VPS13B: variants seen among roughly 807,000 people sequenced by gnomAD.
VPS13B encodes intermembrane lipid transfer protein VPS13B.
Under a neutral mutation model 426.4 loss-of-function variants are expected in VPS13B, and 285 were observed. The observed-to-expected ratio is 0.67, with a 90% CI of 0.61 to 0.74. The LOEUF is 0.74. Among genes scored for constraint, VPS13B ranks in the 30% least tolerant of loss-of-function variants. The probability of loss-of-function intolerance (pLI) is 0.00; values close to 1 mark genes in which losing one functional copy is unlikely to be tolerated. For synonymous variants in VPS13B, 1,676 were observed against 1,676.4 expected (o/e 1.00, Z 0.01); for missense variants, 4,537 against 4,782.6 (o/e 0.95, Z 1.51).
At chr8:99,620,094 A>AT (rs1361028186) in intron 33 of VPS13B, among the ~76,000 whole-genome samples, 1 of 152,104 alleles carries the variant, frequency 6.6e-6, no homozygotes, top group Non-Finnish European at 1.5e-5. Flanking sequence ...GAAACTGTTC[A>AT]TTAGAGAATG....
intron 17 of VPS13B, among the ~76,000 whole-genome samples, chr8:99,197,268 G>A (rs1813994952): frequency 6.6e-6 from 1 of 152,142 alleles, no homozygotes; most frequent in Admixed American, 6.5e-5. Flanking sequence ...CAGAGATATT[G>A]GTCTGTAAGT....
chr8:99,074,661 G>C (rs1159787977), intron 3 of VPS13B, among the ~76,000 whole-genome samples: 3 of 151,790 alleles, frequency 2.0e-5, no homozygotes, highest in Admixed American at 6.6e-5. Context: ...GTTTGTTTTT[G>C]AGACAATCTT....
At chr8:99,820,511 T>C (rs543232588) in intron 49 of VPS13B, among the ~76,000 whole-genome samples, 5 of 152,200 alleles carry the variant, frequency 3.3e-5, no homozygotes, top group Admixed American at 6.5e-5. Flanking sequence ...CTGCAAGATA[T>C]TGAGGATTTC....
chr8:99,348,752 A>G (rs1811689264), intron 19 of VPS13B, among the ~76,000 whole-genome samples: 1 of 152,178 alleles, frequency 6.6e-6, no homozygotes, highest in South Asian at 2.1e-4. Context: ...TCAGTAATTT[A>G]TAGTGTTTTG....
chr8:99,619,658 G>A (rs1247340672), intron 33 of VPS13B, among the ~76,000 whole-genome samples: 1 of 152,160 alleles, frequency 6.6e-6, no homozygotes, highest in Non-Finnish European at 1.5e-5. Context: ...GATTGCTTAA[G>A]TTCCGGAGTT....
In VPS13B at chr8:99,717,308, G is replaced by A. The variant is rs751576277; in HGVS notation, c.6592G>A (p.Gly2198Arg). 33 of 1,613,896 alleles carry A rather than the reference G, an allele frequency of 2.0e-5. No individual in the cohort carries two copies. Among genetic ancestry groups the A allele is most frequent in the Admixed American group, 8.3e-5 (5 of 59,962 alleles). ...GGAAGCTAAGTGGTGTAAACACAGCGGGAATCCAGGCCCAGAACAATCCAT... is the reference window on the plus strand; with the variant it reads ...GGAAGCTAAGTGGTGTAAACACAGCAGGAATCCAGGCCCAGAACAATCCAT... ...NLEAKWCKHS[G>R]NPGPEQSIPK... The change falls in exon 37 of 62, where the codon GGG becomes AGG. Residue 2198 changes from glycine (G) to arginine (R), a missense_variant. Around this residue, in one of 2 missense-constraint regions of VPS13B, gnomAD observed 4,311 missense variants for 4,474.3 expected, o/e 0.96. Coordinates refer to ENST00000357162, the MANE Select transcript of VPS13B (RefSeq NM_152564.5).
intron 3 of VPS13B, among the ~76,000 whole-genome samples, chr8:99,086,165 T>G (rs1845776177): frequency 6.6e-6 from 1 of 152,192 alleles, no homozygotes; most frequent in Non-Finnish European, 1.5e-5. Flanking sequence ...TTTCTTTTTA[T>G]TCTTTTTTCT....
intron 15 of VPS13B, among the ~76,000 whole-genome samples, chr8:99,157,571 C>G (rs1025710215): frequency 3.3e-5 from 5 of 152,106 alleles, no homozygotes; most frequent in Non-Finnish European, 7.4e-5. Context: ...CCTTCTCTCT[C>G]CCTTATCCTA....
intron 34 of VPS13B, among the ~76,000 whole-genome samples, chr8:99,658,439 CT>C (rs1049689831): frequency 1.3e-5 from 2 of 152,064 alleles, no homozygotes; most frequent in African/African-American, 2.4e-5. Context: ...AACCTGCTTG[CT>C]TTTTTTCCCC....
chr8:99,044,857 C>T (rs879381706), intron 3 of VPS13B, among the ~76,000 whole-genome samples: 409 of 16,876 alleles, frequency 0.024, 2 homozygotes, highest in Non-Finnish European at 0.044. Flanking sequence ...ATTTTATACA[C>T]ACACACACAC....
chr8:99,503,344 G>A (rs1164339864), intron 27 of VPS13B, among the ~76,000 whole-genome samples: 1 of 152,206 alleles, frequency 6.6e-6, no homozygotes, highest in Non-Finnish European at 1.5e-5. Context: ...GATGGCTGCT[G>A]ACTGATCGGG....
chr8:99,058,355 C>A (rs1563512482), intron 3 of VPS13B, among the ~76,000 whole-genome samples: 1 of 151,016 alleles, frequency 6.6e-6, no homozygotes, highest in East Asian at 1.9e-4. Context: ...ACCCTAAAAT[C>A]TATCATTTAT....
At chr8:99,562,987 T>TCAA (rs1034546836) in intron 31 of VPS13B, among the ~76,000 whole-genome samples, 1 of 152,044 alleles carries the variant, frequency 6.6e-6, no homozygotes, top group Admixed American at 6.6e-5. Flanking sequence ...AGACCTTGTC[T>TCAA]CAACAACAAC....
At chr8:99,328,887 C>T (rs185074805) in intron 19 of VPS13B, among the ~76,000 whole-genome samples, 2 of 152,196 alleles carry the variant, frequency 1.3e-5, no homozygotes. Context: ...GGAAAATCTA[C>T]TTTACGTCTC....
At chr8:99,730,583 C>G (rs1257568017) in intron 39 of VPS13B, among the ~76,000 whole-genome samples, 1 of 151,988 alleles carries the variant, frequency 6.6e-6, no homozygotes, top group Non-Finnish European at 1.5e-5. Flanking sequence ...TTGAGATTAA[C>G]TCAGTAAATA....
At chr8:99,473,972 G>T (rs540274820) in intron 24 of VPS13B, among the ~76,000 whole-genome samples, 12 of 152,144 alleles carry the variant, frequency 7.9e-5, no homozygotes, top group South Asian at 4.2e-4. Context: ...ACCATAAAGC[G>T]TTGCTGAGAA....
At chr8:99,404,289 A>G (rs985899970) in intron 21 of VPS13B, among the ~76,000 whole-genome samples, 2 of 152,248 alleles carry the variant, frequency 1.3e-5, no homozygotes, top group African/African-American at 4.8e-5. Flanking sequence ...GACTGGCAAG[A>G]ATTCAGCAAA....
intron 52 of VPS13B, among the ~76,000 whole-genome samples, chr8:99,834,155 T>C (rs1417221639): frequency 3.9e-5 from 6 of 152,240 alleles, no homozygotes; most frequent in Non-Finnish European, 8.8e-5. Flanking sequence ...TAGAGCATTA[T>C]TGACCCCTTT....
chr8:99,513,781 A>G (rs1295791096), intron 29 of VPS13B, among the ~76,000 whole-genome samples: 1 of 152,222 alleles, frequency 6.6e-6, no homozygotes, highest in African/African-American at 2.4e-5. Flanking sequence ...AAACTTGACC[A>G]AGAATATGAT....
Sources: gnomAD v4.1 joint callset for allele counts (sites outside exome capture counted in the v4.1 genomes callset) on GRCh38, gnomAD v4.1.1 for gene constraint, gnomAD v4.1.1 regional missense constraint, MANE v1.5 for transcripts, NCBI Gene and HGNC (gene_info 2026-07-23, HGNC 2026-07-21) for gene names.